ITGA11: variants seen among roughly 807,000 people sequenced by gnomAD.
The protein encoded by ITGA11 is integrin subunit alpha 11.
In ITGA11, 97 loss-of-function variants were observed where a neutral mutation model predicts 141.9. The observed-to-expected ratio is 0.68, with a 90% CI of 0.58 to 0.81. The LOEUF (loss-of-function observed/expected upper bound fraction) is 0.81, where lower values mean the gene tolerates loss of function less well. ITGA11 is among the 30% of genes least tolerant of loss of function. The probability of loss-of-function intolerance (pLI) is 0.00; values close to 1 mark genes in which losing one functional copy is unlikely to be tolerated. For synonymous variants in ITGA11, 658 were observed against 624.6 expected, an observed-to-expected ratio of 1.05 and a Z score of -0.80; for missense variants, 1,387 against 1,559.2, an observed-to-expected ratio of 0.89 and a Z score of 1.86.
In ITGA11 at chr15:68,304,207, C is replaced by T. The variant is rs545566609; in HGVS notation, c.3382-322G>A. Among the ~76,000 whole-genome samples, 2 of 152,314 alleles carry T rather than the reference C, an allele frequency of 1.3e-5. No individual in the cohort carries two copies. The highest frequency in any genetic ancestry group is 3.9e-4 in the East Asian group (2 of 5,170). ...CCTTCTCCCTTTGCTGCCTCCGCAT[C>T]GCCTCCCGCACTTCTAAAGGTCAGT... On this transcript the variant is annotated intron_variant, in intron 28 of 29. Transcript: ENST00000315757. This position sits in a 1 kb window ranked among gnomAD's most constrained non-coding sequence, Gnocchi z 6.1.
In ITGA11 at chr15:68,335,873, T is replaced by G. The variant is rs1156917951; in HGVS notation, c.1277-28A>C. On this transcript the variant is annotated intron_variant, in intron 11 of 29. Coordinates refer to ENST00000315757, the MANE Select transcript of ITGA11 (RefSeq NM_001004439.2). The surrounding 1 kb of genome is among the most constrained non-coding windows in gnomAD (Gnocchi z 4.9). ...GCCACAGGAGGAAACAGGCTGATCT[T>G]TGGCACCGTGTCCTCAGCAGGCGTT... 6 of 1,605,900 alleles carry G rather than the reference T, an allele frequency of 3.7e-6. No individual in the cohort carries two copies. Among genetic ancestry groups the G allele is most frequent in the Non-Finnish European group, 5.1e-6 (6 of 1,176,098 alleles).
Position 68,311,046 on chromosome 15 carries a change from G to T in ITGA11, c.3122C>A (p.Thr1041Asn), listed in dbSNP as rs909209671. 1.0e-5 allele frequency: 16 copies of T among 1,608,026 alleles called. No individual in the cohort carries two copies. Among genetic ancestry groups the T allele is most frequent in the Non-Finnish European group, 1.3e-5 (15 of 1,177,230 alleles). Residue 1041 changes from threonine to asparagine, a missense_variant, in exon 26 of 30, where the codon ACT (threonine) becomes AAT (asparagine). By Grantham distance (65) the Thr-to-Asn change is moderately conservative. Transcript: ENST00000315757. ...CTCCACTGGGGTGGGCCGGTACTCA[G>T]TGCTATTGCCCCAGATGTTACAGGA... The part of the protein sequence containing the change: ...NTSCNIWGNS[T>N]EYRPTPVEED...
At chr15:68,364,908 G>GAGAGCCAGAGGTCCCCA in intron 3 of ITGA11, 110 bp from the exon 4 acceptor site, 3 of 1,051,742 alleles carry the variant, frequency 2.9e-6, no homozygotes, top group Non-Finnish European at 4.3e-6. Context: ...CCCTGACCCT[G>GAGAGCCAGAGGTCCCCA]GGGACCTCTG....
Position 68,324,663 on chromosome 15 carries a change from TGTCA to T in ITGA11, c.2322+464_2322+467del, listed in dbSNP as rs967238060. Among the ~76,000 whole-genome samples, 1 of 152,044 alleles carries T rather than the reference TGTCA, an allele frequency of 6.6e-6. No individual in the cohort carries two copies. The highest frequency in any genetic ancestry group is 6.5e-5 in the Admixed American group (1 of 15,268). ...TTCTTTTTGGAATGCTTAGGACCGC[TGTCA>T]GTCAGTTAAAACACTTCTTTTTGCA... On this transcript the variant is annotated intron_variant, in intron 18 of 29. Coordinates refer to ENST00000315757, the MANE Select transcript of ITGA11 (RefSeq NM_001004439.2). This position sits in a 1 kb window ranked among gnomAD's most constrained non-coding sequence, Gnocchi z 6.3.
Position 68,378,377 on chromosome 15 carries a change from G to A in ITGA11, c.165-9093C>T, listed in dbSNP as rs576075826. On this transcript the variant is annotated intron_variant, in intron 2 of 29. Coordinates refer to ENST00000315757, the MANE Select transcript of ITGA11 (RefSeq NM_001004439.2). The stretch of plus-strand genomic sequence containing the variant: ...ATTTTTCTTGAAGCTGGGCATGGTG[G>A]CACATGTCTATAATCCCAGCTACTA... Among the ~76,000 whole-genome samples, 4 of 152,286 alleles carry A rather than the reference G, an allele frequency of 2.6e-5. No homozygotes were observed. The South Asian group carries it at 8.3e-4, about 32-fold the overall frequency.
chr15:68,360,347 A>T (rs973333663), intron 5 of ITGA11, among the ~76,000 whole-genome samples: 1 of 152,106 alleles, frequency 6.6e-6, no homozygotes, highest in African/African-American at 2.4e-5. Context: ...ATTATAATGC[A>T]TTTATTATTG....
At position 68,355,413 on chromosome 15, in the gene ITGA11, C is replaced by T. The variant is rs116513236; in HGVS notation, c.749+1738G>A. On this transcript the variant is annotated intron_variant, in intron 7 of 29. Transcript: ENST00000315757. ...GAAAAGTCTTAATCTTTTGAGCCTA[C>T]GAATTCACAATACTACTAAATAGTT... Among the ~76,000 whole-genome samples, 771 of 152,118 alleles carry T rather than the reference C, an allele frequency of 5.1e-3. 7 individuals carry two copies. The highest frequency in any genetic ancestry group is 0.018 in the African/African-American group (744 of 41,484).
intron 2 of ITGA11, among the ~76,000 whole-genome samples, chr15:68,396,942 T>G (rs1368816260): frequency 5.0e-5 from 1 of 19,902 alleles, no homozygotes; most frequent in Non-Finnish European, 7.7e-5. Flanking sequence ...ATATAATATA[T>G]TATATATTAT....
chr15:68,400,633 ATTATAATATTATATATTATATAATAAAT>A, intron 2 of ITGA11, among the ~76,000 whole-genome samples: 1 of 75,022 alleles, frequency 1.3e-5, no homozygotes, highest in South Asian at 3.1e-4. Flanking sequence ...TATAATAAAT[ATTATAATATTATATATTATATAATAAAT>A]ATATTATATA....
rs1022282540 is a variant in ITGA11 at position 68,305,094 on chromosome 15, C to A, written c.3382-1209G>T. Among the ~76,000 whole-genome samples the A allele has an allele frequency of 6.6e-6, 1 of 152,274 alleles. No individual in the cohort carries two copies. The highest frequency in any genetic ancestry group is 1.5e-5 in the Non-Finnish European group (1 of 68,052). Reference sequence around the variant, plus strand: ...CCTGCAAGGCCCTCCCCTCTCGGGTCCCACCTGTCTTGCTGACCTCACCTC... The same window carrying A: ...CCTGCAAGGCCCTCCCCTCTCGGGTACCACCTGTCTTGCTGACCTCACCTC... On this transcript the variant is annotated intron_variant, in intron 28 of 29. Coordinates refer to ENST00000315757, the MANE Select transcript of ITGA11 (RefSeq NM_001004439.2). This position sits in a 1 kb window ranked among gnomAD's most constrained non-coding sequence, Gnocchi z 4.6.
intron 1 of ITGA11, among the ~76,000 whole-genome samples, chr15:68,405,135 C>A (rs945093583): frequency 5.2e-5 from 7 of 134,920 alleles, no homozygotes; most frequent in Non-Finnish European, 9.4e-5. Context: ...CATACAGAAA[C>A]AAGTTATTTT....
At chr15:68,408,430 G>A (rs1318677282) in intron 1 of ITGA11, among the ~76,000 whole-genome samples, 3 of 152,146 alleles carry the variant, frequency 2.0e-5, no homozygotes, top group Non-Finnish European at 4.4e-5. Context: ...GGCTCCATGA[G>A]GGCAGGATGG....
intron 10 of ITGA11, among the ~76,000 whole-genome samples, chr15:68,345,118 T>C (rs1894702772): frequency 6.6e-6 from 1 of 151,974 alleles, no homozygotes; most frequent in Non-Finnish European, 1.5e-5. Flanking sequence ...TCCTGCTTGA[T>C]TACCCAGCTT....
At chr15:68,388,795 A>T (rs1269487137) in intron 2 of ITGA11, among the ~76,000 whole-genome samples, 2 of 152,052 alleles carry the variant, frequency 1.3e-5, no homozygotes, top group Admixed American at 1.3e-4. Flanking sequence ...CATGGTAGCC[A>T]AATTGATCAC....
intron 26 of ITGA11, among the ~76,000 whole-genome samples, chr15:68,309,751 C>A (rs753021669): frequency 6.6e-6 from 1 of 151,978 alleles, no homozygotes; most frequent in East Asian, 1.9e-4. Flanking sequence ...CCACCACACC[C>A]GGCTGATTTT....
At position 68,349,016 on chromosome 15, in the gene ITGA11, C is replaced by G. The variant is rs560620085; in HGVS notation, c.1061-116G>C. Reference sequence around the variant, plus strand: ...GGGGGCATCGTCAGGAGGTGGGGCTCTCTTTCGAGGGGGGGCTCTGAAGCT... The same window carrying G: ...GGGGGCATCGTCAGGAGGTGGGGCTGTCTTTCGAGGGGGGGCTCTGAAGCT... On this transcript the variant is annotated intron_variant, in intron 9 of 29. Coordinates refer to ENST00000315757, the MANE Select transcript of ITGA11 (RefSeq NM_001004439.2). 3.4e-5 allele frequency: 27 copies of G among 786,336 alleles called. 1 individual carries two copies. The African/African-American group carries it at 9.2e-4, about 27-fold the overall frequency. 48.7% of individuals were successfully genotyped at this position (786,336 alleles called of 1,614,324 possible).
intron 10 of ITGA11, among the ~76,000 whole-genome samples, chr15:68,346,623 C>T (rs1270720787): frequency 6.6e-6 from 1 of 152,162 alleles, no homozygotes; most frequent in Admixed American, 6.5e-5. Context: ...CTCTTCTGTC[C>T]CCAACACCAG....
Position 68,325,704 on chromosome 15 carries a change from A to T in ITGA11, c.2212-463T>A, listed in dbSNP as rs1035198150. 2.0e-5 allele frequency among the ~76,000 whole-genome samples: 3 copies of T among 152,222 alleles called. No individual in the cohort carries two copies. Among genetic ancestry groups the T allele is most frequent in the Admixed American group, 2.0e-4 (3 of 15,282 alleles). Reference sequence around the variant, plus strand: ...CTCCCAGCATGGCCCTAGCACTGTGATAAGGGCTTCAGCATGTGGAATTGG... The same window carrying T: ...CTCCCAGCATGGCCCTAGCACTGTGTTAAGGGCTTCAGCATGTGGAATTGG... On this transcript the variant is annotated intron_variant, in intron 17 of 29. Coordinates refer to ENST00000315757, the MANE Select transcript of ITGA11 (RefSeq NM_001004439.2). The surrounding 1 kb of genome is among the most constrained non-coding windows in gnomAD (Gnocchi z 5.5).
At chr15:68,379,226 T>C (rs1895801573) in intron 2 of ITGA11, among the ~76,000 whole-genome samples, 1 of 152,204 alleles carries the variant, frequency 6.6e-6, no homozygotes, top group African/African-American at 2.4e-5. Flanking sequence ...AAACTCTCAG[T>C]CTATCCCCAT....
Sources: allele counts gnomAD v4.1 joint callset (sites outside exome capture counted in the v4.1 genomes callset), GRCh38; gene constraint gnomAD v4.1.1; non-coding constraint Gnocchi (gnomAD v3.1); transcripts MANE v1.5; gene names NCBI Gene and HGNC (gene_info 2026-07-23, HGNC 2026-07-21).